The following THSD7A variants were observed in gnomAD, a reference collection of about 807,000 sequenced individuals.
The protein encoded by THSD7A is thrombospondin type-1 domain-containing protein 7A.
A neutral mutation model predicts 231.3 loss-of-function variants in THSD7A; 96 were observed. The observed-to-expected ratio is 0.41, with a 90% CI of 0.35 to 0.49. The LOEUF (loss-of-function observed/expected upper bound fraction) is 0.49. Ranked by LOEUF, THSD7A falls within the 20% of genes least tolerant of loss-of-function variation. The probability of loss-of-function intolerance (pLI) is 0.05; values close to 1 mark genes in which losing one functional copy is unlikely to be tolerated. For synonymous variants in THSD7A, 940 were observed against 743.3 expected (o/e 1.26, Z -4.30); for missense variants, 2,290 against 2,070.2 (o/e 1.11, Z -2.06).
At chr7:11,452,328 A>G (rs1228154957) in intron 11 of THSD7A, among the ~76,000 whole-genome samples, 1 of 152,040 alleles carries the variant, frequency 6.6e-6, no homozygotes, top group Non-Finnish European at 1.5e-5. Context: ...AAATAATCCA[A>G]GAGGGCTCCA....
At chr7:11,500,871 T>G (rs957895336) in intron 6 of THSD7A, among the ~76,000 whole-genome samples, 1 of 151,384 alleles carries the variant, frequency 6.6e-6, no homozygotes, top group Non-Finnish European at 1.5e-5. Flanking sequence ...GGAGGCAAAG[T>G]TGCACTGAGC....
Position 11,469,957 on chromosome 7 carries a change from A to G in THSD7A, c.2290T>C (p.Cys764Arg). Residue 764 changes from cysteine to arginine, a missense_variant, in exon 9 of 28, where the codon TGT becomes CGT. Cys to Arg is a radical substitution (Grantham distance 180). Transcript: ENST00000423059. ...ESLRPETVRP[C>R]LLPCKKDCIV... ...CAGTCCTTCTTACAAGGAAGCAGAC[A>G]AGGCCTTACAGTTTCAGGTCGAAGG... 3.8e-6 allele frequency: 6 copies of G among 1,599,758 alleles called. No individual in the cohort carries two copies. The highest frequency in any genetic ancestry group is 4.3e-6 in the Non-Finnish European group (5 of 1,172,310).
chr7:11,539,827 C>T lies in THSD7A; in HGVS notation c.1822+1592G>A, dbSNP rs554223670. Among the ~76,000 whole-genome samples the T allele has an allele frequency of 1.6e-3, 248 of 152,262 alleles. 2 individuals carry two copies. The highest frequency in any genetic ancestry group is 2.5e-3 in the Non-Finnish European group (173 of 68,016). The stretch of plus-strand genomic sequence containing the variant: ...GTGCCATGCAAAGTTAACTTTTTAG[C>T]GTTTTGTTTCACTCAAAAATACTTT... On this transcript the variant is annotated intron_variant, in intron 6 of 27. Transcript: ENST00000423059.
At chr7:11,508,268 T>C (rs1297740476) in intron 6 of THSD7A, among the ~76,000 whole-genome samples, 1 of 152,126 alleles carries the variant, frequency 6.6e-6, no homozygotes, top group Non-Finnish European at 1.5e-5. Flanking sequence ...AAGGACTAGA[T>C]AGACATTTCT....
At chr7:11,428,222 T>G (rs1784379525) in intron 14 of THSD7A, among the ~76,000 whole-genome samples, 1 of 152,186 alleles carries the variant, frequency 6.6e-6, no homozygotes, top group Admixed American at 6.5e-5. Flanking sequence ...ATAAATGAAA[T>G]TATTCTTTGC....
chr7:11,654,605 A>C (rs1782639344), intron 1 of THSD7A, among the ~76,000 whole-genome samples: 1 of 151,918 alleles, frequency 6.6e-6, no homozygotes, highest in Non-Finnish European at 1.5e-5. Context: ...TTCGATATTA[A>C]ATTTCTATGT....
At chr7:11,515,178 T>C (rs972226839) in intron 6 of THSD7A, among the ~76,000 whole-genome samples, 2 of 152,192 alleles carry the variant, frequency 1.3e-5, no homozygotes, top group Non-Finnish European at 2.9e-5. Context: ...TTCACTATGA[T>C]TTTAGTTCCT....
chr7:11,824,002 C>T lies in THSD7A; in HGVS notation c.190+7755G>A, dbSNP rs563629267. Among the ~76,000 whole-genome samples, 49 of 151,906 alleles carry T rather than the reference C, an allele frequency of 3.2e-4. 1 individual carries two copies. The highest frequency in any genetic ancestry group is 3.0e-3 in the Admixed American group (45 of 15,252). On this transcript the variant is annotated intron_variant, in intron 1 of 27. Coordinates refer to ENST00000423059, the MANE Select transcript of THSD7A (RefSeq NM_015204.3). ...GATCACCTATGAAGTAAAAATGGAACAATGCACAAAACAGAAACAATTCTA... is the reference window on the plus strand; with the variant it reads ...GATCACCTATGAAGTAAAAATGGAATAATGCACAAAACAGAAACAATTCTA...
intron 1 of THSD7A, among the ~76,000 whole-genome samples, chr7:11,733,617 C>A (rs10261703): frequency 0.73 from 110,697 of 151,598 alleles, 40,497 homozygotes; most frequent in South Asian, 0.79. Context: ...GCAGCGTCTA[C>A]ACAGAAGGCA....
intron 1 of THSD7A, among the ~76,000 whole-genome samples, chr7:11,769,859 A>G (rs1480535418): frequency 6.6e-6 from 1 of 152,192 alleles, no homozygotes; most frequent in East Asian, 1.9e-4. Context: ...TGCAATATCT[A>G]TAGCAGTGAT....
In THSD7A at chr7:11,424,814, G is replaced by C; in HGVS notation, c.3265C>G (p.Pro1089Ala). Residue 1089 changes from proline to alanine, a missense_variant, in exon 16 of 28, where the codon CCA becomes GCA. Pro to Ala is a conservative substitution (Grantham distance 27, BLOSUM62 -1). Coordinates refer to ENST00000423059, the MANE Select transcript of THSD7A (RefSeq NM_015204.3). The stretch of plus-strand genomic sequence containing the variant: ...TACTGGTTGCAGTCACTGTGGCATG[G>C]GACAACCTCATACACCTGAAACACA... ...VNQAQVYEVV[P>A]CHSDCNQYLW... 1.2e-6 allele frequency: 2 copies of C among 1,613,912 alleles called. No homozygotes were observed. Among genetic ancestry groups the C allele is most frequent in the South Asian group, 2.2e-5 (2 of 91,072 alleles).
chr7:11,375,718 G>T lies in THSD7A; in HGVS notation c.*76C>A, dbSNP rs928210261. 2 of 1,166,140 alleles carry T rather than the reference G, an allele frequency of 1.7e-6. No homozygotes were observed. The highest frequency in any genetic ancestry group is 1.3e-6 in the Non-Finnish European group (1 of 790,798). The allele number at this position is 1,166,140 out of a possible 1,614,324, so 72.2% of individuals were successfully genotyped here. On this transcript the variant is annotated 3_prime_UTR_variant, in exon 28 of 28. Transcript: ENST00000423059. ...AATATATTTTAATCCACACAGTTTG[G>T]ATACATTTGTTGTGGCCTCTGGACA...
intron 1 of THSD7A, among the ~76,000 whole-genome samples, chr7:11,817,271 C>T (rs1339642152): frequency 6.6e-6 from 1 of 152,124 alleles, no homozygotes; most frequent in African/African-American, 2.4e-5. Flanking sequence ...GAAAGTCTTG[C>T]CAAGAATAAT....
chr7:11,551,738 C>T (rs775084523), intron 4 of THSD7A, among the ~76,000 whole-genome samples: 12 of 152,160 alleles, frequency 7.9e-5, no homozygotes, highest in Admixed American at 2.0e-4. Flanking sequence ...CACTTATACA[C>T]TGCCAGTGGG....
chr7:11,379,660 C>G lies in THSD7A; in HGVS notation c.4560G>C (p.Pro1520=). Residue 1520 remains proline, a synonymous_variant, in exon 25 of 28, where the codon CCG becomes CCC. Transcript: ENST00000423059. Reference sequence around the variant, plus strand: ...TACAGTACGAGTGGGGTTGACTACACGGTGGGTTACAAGACCTGTCGGCAT... The same window carrying G: ...TACAGTACGAGTGGGGTTGACTACAGGGTGGGTTACAAGACCTGTCGGCAT... ...QPDADRSCNP[P]CSQPHSYCSE... 1.3e-6 allele frequency: 2 copies of G among 1,592,154 alleles called. No homozygotes were observed. The highest frequency in any genetic ancestry group is 2.3e-5 in the South Asian group (2 of 87,320).
intron 1 of THSD7A, among the ~76,000 whole-genome samples, chr7:11,669,439 T>C (rs1584181975): frequency 6.6e-6 from 1 of 151,926 alleles, no homozygotes; most frequent in South Asian, 2.1e-4. Flanking sequence ...CACCAACTGA[T>C]GGGTGTAAGA....
chr7:11,499,449 C>A (rs922624545), intron 6 of THSD7A, among the ~76,000 whole-genome samples: 3 of 152,126 alleles, frequency 2.0e-5, no homozygotes, highest in Non-Finnish European at 4.4e-5. Context: ...CCTAGGAGTG[C>A]CAAGTTGTTC....
At chr7:11,428,190 C>T (rs1050534846) in intron 14 of THSD7A, among the ~76,000 whole-genome samples, 2 of 152,174 alleles carry the variant, frequency 1.3e-5, no homozygotes, top group African/African-American at 4.8e-5. Context: ...AATTCAAATA[C>T]ACAACTTAAC....
intron 1 of THSD7A, among the ~76,000 whole-genome samples, chr7:11,701,028 C>T (rs73294581): frequency 0.016 from 2,372 of 151,200 alleles, 63 homozygotes; most frequent in African/African-American, 0.055. Flanking sequence ...AAAGAAAATG[C>T]TATTTGTAAT....
Sources: allele counts gnomAD v4.1 joint callset (sites outside exome capture counted in the v4.1 genomes callset), GRCh38; gene constraint gnomAD v4.1.1; transcripts MANE v1.5; gene names NCBI Gene and HGNC (gene_info 2026-07-23, HGNC 2026-07-21).